PRKCE: variants seen among roughly 807,000 people sequenced by gnomAD.
The protein encoded by PRKCE is protein kinase C epsilon, also known as protein kinase C epsilon type.
A neutral mutation model predicts 85.4 loss-of-function variants in PRKCE; 16 were observed. The observed-to-expected ratio is 0.19, with a 90% confidence interval of 0.13 to 0.28. PRKCE has a LOEUF of 0.28. PRKCE is among the 10% of genes least tolerant of loss of function. The pLI is 1.00. For synonymous variants in PRKCE, 388 were observed against 371.5 expected (o/e 1.04, Z -0.51); for missense variants, 573 against 975.2 (o/e 0.59, Z 5.49).
intron 1 of PRKCE, among the ~76,000 whole-genome samples, chr2:45,735,730 G>GA (rs1682001725): frequency 6.6e-6 from 1 of 152,200 alleles, no homozygotes; most frequent in South Asian, 2.1e-4. Flanking sequence ...GCACTTGTCT[G>GA]AAGGTGCACA....
intron 1 of PRKCE, among the ~76,000 whole-genome samples, chr2:45,663,383 T>C (rs1675764126): frequency 6.6e-6 from 1 of 152,142 alleles, no homozygotes; most frequent in South Asian, 2.1e-4. Context: ...GAGAGGGGAA[T>C]TAATGTGGGT....
At chr2:45,731,851 C>T (rs1681607153) in intron 1 of PRKCE, among the ~76,000 whole-genome samples, 1 of 152,054 alleles carries the variant, frequency 6.6e-6, no homozygotes, top group African/African-American at 2.4e-5. Context: ...CTCCTGGGCT[C>T]AAGGTATCCT....
chr2:45,811,787 G>A (rs1208623155), intron 1 of PRKCE, among the ~76,000 whole-genome samples: 1 of 152,118 alleles, frequency 6.6e-6, no homozygotes, highest in Non-Finnish European at 1.5e-5. Flanking sequence ...ATATCTTTCT[G>A]AGATTCTTGA....
At chr2:46,174,304 G>A (rs1360253949) in intron 14 of PRKCE, among the ~76,000 whole-genome samples, 2 of 152,222 alleles carry the variant, frequency 1.3e-5, no homozygotes, top group Non-Finnish European at 2.9e-5. Flanking sequence ...GTGCCATCGT[G>A]CTTAAAAAGC....
intron 10 of PRKCE, among the ~76,000 whole-genome samples, chr2:46,058,292 A>G (rs1304466933): frequency 6.6e-6 from 1 of 152,220 alleles, no homozygotes; most frequent in South Asian, 2.1e-4. Context: ...GGTCAGGACA[A>G]GAGGAGGCTA....
At chr2:45,728,158 C>T (rs1041334064) in intron 1 of PRKCE, among the ~76,000 whole-genome samples, 11 of 152,106 alleles carry the variant, frequency 7.2e-5, no homozygotes, top group South Asian at 2.1e-4. Context: ...GAAAGTCCTT[C>T]GTATCCCATC....
intron 2 of PRKCE, among the ~76,000 whole-genome samples, chr2:45,885,737 A>G (rs966010912): frequency 6.6e-6 from 1 of 152,182 alleles, no homozygotes; most frequent in African/African-American, 2.4e-5. Flanking sequence ...AACTCCTATG[A>G]TTTCATATTG....
intron 2 of PRKCE, among the ~76,000 whole-genome samples, chr2:45,936,392 A>C (rs1027747049): frequency 6.6e-6 from 1 of 152,238 alleles, no homozygotes; most frequent in Non-Finnish European, 1.5e-5. Context: ...GCCAGCACCC[A>C]CGTGGTTTTG....
chr2:45,850,289 T>C (rs1016200923), intron 2 of PRKCE, among the ~76,000 whole-genome samples: 3 of 152,198 alleles, frequency 2.0e-5, no homozygotes, highest in Non-Finnish European at 4.4e-5. Flanking sequence ...ATAGTTACAG[T>C]GAAGAAATAA....
chr2:45,661,269 G>C (rs911559432), intron 1 of PRKCE, among the ~76,000 whole-genome samples: 5 of 151,884 alleles, frequency 3.3e-5, no homozygotes, highest in African/African-American at 1.2e-4. Context: ...TGCAACCTCT[G>C]CCTCCCGGGT....
At chr2:46,014,554 G>C (rs1705962165) in intron 10 of PRKCE, among the ~76,000 whole-genome samples, 1 of 151,996 alleles carries the variant, frequency 6.6e-6, no homozygotes, top group African/African-American at 2.4e-5. Context: ...ATATTTTCTT[G>C]CATATGAGAA....
intron 10 of PRKCE, 101 bp from the exon 11 acceptor site, chr2:46,086,107 C>G (rs1010049578): frequency 7.9e-7 from 1 of 1,273,812 alleles, no homozygotes; most frequent in Admixed American, 2.0e-5. Context: ...GGCTTCTTCC[C>G]CCTTGAGTCT....
chr2:45,770,193 C>A (rs879340314), intron 1 of PRKCE, among the ~76,000 whole-genome samples: 25 of 152,198 alleles, frequency 1.6e-4, no homozygotes, highest in Non-Finnish European at 2.9e-4. Context: ...GGACACTGTT[C>A]TGCTCCCCTC....
At chr2:45,959,647 A>G (rs1007449501) in intron 2 of PRKCE, among the ~76,000 whole-genome samples, 6 of 152,148 alleles carry the variant, frequency 3.9e-5, no homozygotes, top group African/African-American at 1.4e-4. Flanking sequence ...CTTTGATCTG[A>G]AACTTTCTTC....
At chr2:45,892,863 A>C (rs762940949) in intron 2 of PRKCE, among the ~76,000 whole-genome samples, 4 of 152,162 alleles carry the variant, frequency 2.6e-5, no homozygotes, top group Non-Finnish European at 5.9e-5. Flanking sequence ...TTGCAGAAAG[A>C]GCGACCAGAA....
chr2:45,756,754 T>G (rs1257394105), intron 1 of PRKCE, among the ~76,000 whole-genome samples: 2 of 152,172 alleles, frequency 1.3e-5, no homozygotes, highest in Admixed American at 6.5e-5. Flanking sequence ...ATATAACATT[T>G]TGGAAAATGC....
intron 2 of PRKCE, among the ~76,000 whole-genome samples, chr2:45,949,272 G>A (rs1230600550): frequency 1.3e-5 from 2 of 152,106 alleles, no homozygotes; most frequent in African/African-American, 2.4e-5. Flanking sequence ...ACCCTTTAAT[G>A]TCAGATTTTA....
At position 46,001,297 on chromosome 2, in the gene PRKCE, T is replaced by A; in HGVS notation, c.824-107T>A. The A allele has an allele frequency of 9.9e-7, 1 of 1,012,316 alleles. No individual in the cohort carries two copies. The allele number at this position is 1,012,316 out of a possible 1,614,324, so 62.7% of individuals were successfully genotyped here. On this transcript the variant is annotated intron_variant, in intron 6 of 14. Transcript: ENST00000306156. This position sits in a 1 kb window ranked among gnomAD's most constrained non-coding sequence, Gnocchi z 4.4. ...TTTCTGTATTTTCCAAATTATATCT[T>A]AAATGAACATGTAATACTTCATGAA...
chr2:45,736,925 C>G lies in PRKCE; in HGVS notation c.348+84477C>G, dbSNP rs561670916. ...GAGACTTCACTGAGTGGATAAAGCC[C>G]AAATCCCAGTCCCAGAAAATGGGAA... is the stretch of plus-strand genomic sequence containing the variant. On this transcript the variant is annotated intron_variant, in intron 1 of 14. Coordinates refer to ENST00000306156, the MANE Select transcript of PRKCE (RefSeq NM_005400.3). Among the ~76,000 whole-genome samples, 13 of 152,250 alleles carry G rather than the reference C, an allele frequency of 8.5e-5. No individual in the cohort carries two copies. In the South Asian group the frequency reaches 2.5e-3, roughly 29 times the overall value.
Sources: gnomAD v4.1 joint callset for allele counts (sites outside exome capture counted in the v4.1 genomes callset) on GRCh38, gnomAD v4.1.1 for gene constraint, Gnocchi (gnomAD v3.1) non-coding constraint, MANE v1.5 for transcripts, NCBI Gene and HGNC (gene_info 2026-07-23, HGNC 2026-07-21) for gene names.